The following MED15 variants were observed in gnomAD, a reference collection of about 807,000 sequenced individuals.
The protein encoded by MED15 is mediator of RNA polymerase II transcription subunit 15.
In MED15, 41 loss-of-function variants were observed where a neutral mutation model predicts 118.7. That is an observed-to-expected ratio of 0.35 (90% CI 0.27 to 0.45). The LOEUF is 0.45. MED15 is among the 20% of genes least tolerant of loss of function. MED15 has a pLI of 1.00. For synonymous variants in MED15, 436 were observed against 413.9 expected, an observed-to-expected ratio of 1.05 and a Z score of -0.65; for missense variants, 740 against 1,025.5, an observed-to-expected ratio of 0.72 and a Z score of 3.80.
rs2057083851 is a variant in MED15 at position 20,584,748 on chromosome 22, G to A, written c.1804-107G>A. ...GCACAAGGGTGGAGGCTGTGAGAGAGGCCTCGGGAATCTGACTGTGAGTGA... is the reference window on the plus strand; with the variant it reads ...GCACAAGGGTGGAGGCTGTGAGAGAAGCCTCGGGAATCTGACTGTGAGTGA... On this transcript the variant is annotated intron_variant, in intron 14 of 17. Transcript: ENST00000263205. 2.2e-6 allele frequency: 3 copies of A among 1,371,618 alleles called. No individual in the cohort carries two copies. The Admixed American group carries it at 6.0e-5, about 27-fold the overall frequency. The allele number at this position is 1,371,618 out of a possible 1,614,324, so 85.0% of individuals were successfully genotyped here. A position where few individuals can be genotyped will look rare whatever the true frequency, so the allele number is the denominator to read the frequency against.
At chr22:20,511,966 T>C (rs1324659963) in intron 1 of MED15, among the ~76,000 whole-genome samples, 1 of 148,534 alleles carries the variant, frequency 6.7e-6, no homozygotes, top group Non-Finnish European at 1.5e-5. Flanking sequence ...CTCTGGTCTT[T>C]CAGCTTCTTG....
intron 4 of MED15, 156 bp from the exon 5 acceptor site, chr22:20,554,780 G>T: frequency 1.5e-6 from 1 of 672,784 alleles, no homozygotes; most frequent in East Asian, 2.7e-5. Context: ...TTCATATTTG[G>T]GAGTCTCCAG....
At chr22:20,563,314 G>A (rs545288658) in intron 5 of MED15, among the ~76,000 whole-genome samples, 36 of 152,252 alleles carry the variant, frequency 2.4e-4, no homozygotes, top group Admixed American at 6.5e-4. Context: ...TCATGTAGAC[G>A]GTTAAACACA....
At chr22:20,518,811 C>A in intron 1 of MED15, 1 of 446,274 alleles carries the variant, frequency 2.2e-6, no homozygotes, top group Non-Finnish European at 4.5e-6. Context: ...GAACTTTTTT[C>A]CCTCACAGCT....
intron 8 of MED15, among the ~76,000 whole-genome samples, chr22:20,569,355 A>G (rs561292822): frequency 9.2e-5 from 14 of 152,220 alleles, no homozygotes; most frequent in African/African-American, 3.4e-4. Context: ...TGGTGGAAAC[A>G]CTGTTGGTCC....
At chr22:20,555,750 C>G (rs1401840081) in intron 5 of MED15, among the ~76,000 whole-genome samples, 3 of 152,256 alleles carry the variant, frequency 2.0e-5, no homozygotes, top group African/African-American at 4.8e-5. Flanking sequence ...GAGACGGGGT[C>G]TCGCTCTGTG....
chr22:20,580,229 G>A (rs1048065424), intron 9 of MED15, among the ~76,000 whole-genome samples: 3 of 152,162 alleles, frequency 2.0e-5, no homozygotes, highest in Non-Finnish European at 2.9e-5. Context: ...CCCCACGGGC[G>A]TGGCTGGTGA....
In MED15 at chr22:20,583,336, A is replaced by G; in HGVS notation, c.1679A>G (p.Lys560Arg). The G allele has an allele frequency of 6.2e-7, 1 of 1,613,142 alleles. No individual in the cohort carries two copies. Among genetic ancestry groups the G allele is most frequent in the Non-Finnish European group, 8.5e-7 (1 of 1,180,018 alleles). ...INKIDKNEDR[K>R]KDLSKMKSLL... ...GTACCCTCTTCTGTCCCAGACAGAAAAAAGGACCTGAGTAAGATGAAGAGC... is the reference window on the plus strand; with the variant it reads ...GTACCCTCTTCTGTCCCAGACAGAAGAAAGGACCTGAGTAAGATGAAGAGC... The change falls in exon 13 of 18, where the codon AAA becomes AGA. Residue 560 changes from lysine (K) to arginine (R), a missense_variant. Coordinates refer to ENST00000263205, the MANE Select transcript of MED15 (RefSeq NM_001003891.3).
chr22:20,575,731 G>A (rs1162529465), intron 9 of MED15, among the ~76,000 whole-genome samples: 2 of 149,822 alleles, frequency 1.3e-5, no homozygotes, highest in African/African-American at 2.4e-5. Context: ...ATTTTTTAAT[G>A]GAAAATATAT....
chr22:20,517,410 T>C (rs1458872794), intron 1 of MED15, among the ~76,000 whole-genome samples: 3 of 152,222 alleles, frequency 2.0e-5, no homozygotes, highest in Non-Finnish European at 4.4e-5. Context: ...TCTTACTCCC[T>C]GCTCTGTGTC....
At chr22:20,553,222 G>C (rs752887889) in intron 4 of MED15, 48 bp downstream of exon 4, 1 of 1,572,900 alleles carries the variant, frequency 6.4e-7, no homozygotes, top group Non-Finnish European at 8.7e-7. Context: ...CTTTGGATTT[G>C]AGGTGGCAAG....
At chr22:20,581,118 G>GC (rs1402587805) in intron 9 of MED15, among the ~76,000 whole-genome samples, 1 of 152,168 alleles carries the variant, frequency 6.6e-6, no homozygotes, top group African/African-American at 2.4e-5. Flanking sequence ...CTGTGCCTTA[G>GC]CCCCCCACCC....
chr22:20,530,430 G>A (rs2054810480), intron 1 of MED15, among the ~76,000 whole-genome samples: 1 of 152,204 alleles, frequency 6.6e-6, no homozygotes, highest in South Asian at 2.1e-4. Flanking sequence ...CCTGAGGTCA[G>A]GAGGGTGAAT....
chr22:20,509,004 G>A (rs1480813221), intron 1 of MED15, among the ~76,000 whole-genome samples: 2 of 152,208 alleles, frequency 1.3e-5, no homozygotes, highest in Admixed American at 6.5e-5. Context: ...CAGACCAGGG[G>A]CAGTCTAGTG....
In MED15 at chr22:20,566,443, G is replaced by C. The variant is rs375443849; in HGVS notation, c.691-24G>C. On this transcript the variant is annotated intron_variant, in intron 6 of 17. Coordinates refer to ENST00000263205, the MANE Select transcript of MED15 (RefSeq NM_001003891.3). ...CCACAGAGGCAGATGAGTGATAACCGAGTGCTGCTTGTTCTGTCTCTAGAT... is the reference window on the plus strand; with the variant it reads ...CCACAGAGGCAGATGAGTGATAACCCAGTGCTGCTTGTTCTGTCTCTAGAT... 7.5e-6 allele frequency: 12 copies of C among 1,608,412 alleles called. No individual in the cohort carries two copies. In the African/African-American group the frequency reaches 1.5e-4, roughly 20 times the overall value.
At chr22:20,541,470 A>G (rs2055308240) in intron 2 of MED15, among the ~76,000 whole-genome samples, 1 of 152,110 alleles carries the variant, frequency 6.6e-6, no homozygotes, top group African/African-American at 2.4e-5. Flanking sequence ...AGCGTTGGCA[A>G]AGATGTAGAG....
At chr22:20,561,667 T>C (rs1188226930) in intron 5 of MED15, among the ~76,000 whole-genome samples, 1 of 152,202 alleles carries the variant, frequency 6.6e-6, no homozygotes, top group Non-Finnish European at 1.5e-5. Flanking sequence ...AGTTGTTTTA[T>C]TGTTAGAAGA....
chr22:20,578,343 T>G (rs572285918), intron 9 of MED15, among the ~76,000 whole-genome samples: 12 of 152,336 alleles, frequency 7.9e-5, no homozygotes, highest in Non-Finnish European at 1.8e-4. Context: ...GAAGCCTCCC[T>G]ACTGCCCAGG....
At position 20,582,763 on chromosome 22, in the gene MED15, G is replaced by A. The variant is rs1344586415; in HGVS notation, c.1409+16G>A. 1.9e-6 allele frequency: 3 copies of A among 1,589,114 alleles called. No individual in the cohort carries two copies. The highest frequency in any genetic ancestry group is 2.7e-5 in the African/African-American group (2 of 74,464). ...CCAACGTCAGGTAGGCCTGGCCTGG[G>A]GTGCCCCTCCCCACCTGGCCCTCGA... On this transcript the variant is annotated intron_variant, in intron 10 of 17. Transcript: ENST00000263205.
Sources: gnomAD v4.1 joint callset for allele counts (sites outside exome capture counted in the v4.1 genomes callset) on GRCh38, gnomAD v4.1.1 for gene constraint, MANE v1.5 for transcripts, NCBI Gene and HGNC (gene_info 2026-07-23, HGNC 2026-07-21) for gene names.